The following TRPC1 variants were observed in gnomAD, a reference collection of about 807,000 sequenced individuals.
TRPC1 encodes short transient receptor potential channel 1.
In TRPC1, 42 loss-of-function variants were observed where a neutral mutation model predicts 88.2. The ratio of observed to expected loss-of-function variants is 0.48; its 90% CI spans 0.37 to 0.62. The LOEUF (loss-of-function observed/expected upper bound fraction) is 0.62. Among genes scored for constraint, TRPC1 ranks in the 20% least tolerant of loss-of-function variants. The pLI is 0.00. For missense variants in TRPC1, 699 were observed against 957.3 expected (o/e 0.73, Z 3.56); for synonymous variants, 288 against 331.8 (o/e 0.87, Z 1.43).
chr3:142,747,847 C>G (rs1369425612), intron 3 of TRPC1, among the ~76,000 whole-genome samples: 1 of 152,128 alleles, frequency 6.6e-6, no homozygotes. Context: ...TAGTTTTTCT[C>G]ACATGTTAAT....
chr3:142,788,648 G>A (rs1936205676), intron 7 of TRPC1, among the ~76,000 whole-genome samples: 1 of 152,032 alleles, frequency 6.6e-6, no homozygotes, highest in Admixed American at 6.6e-5. Flanking sequence ...TGAGACACAA[G>A]GAGAAAGATA....
chr3:142,786,053 C>T (rs1343409574), intron 7 of TRPC1, among the ~76,000 whole-genome samples: 1 of 152,100 alleles, frequency 6.6e-6, no homozygotes, highest in Non-Finnish European at 1.5e-5. Flanking sequence ...GTCTTGCCTT[C>T]TGTGTGTCGG....
chr3:142,733,930 C>G (rs1205964742), intron 1 of TRPC1, among the ~76,000 whole-genome samples: 1 of 152,264 alleles, frequency 6.6e-6, no homozygotes, highest in East Asian at 1.9e-4. Context: ...GGATTTGAGT[C>G]TTAATGCCCA....
rs1388546541 is a variant in TRPC1 at position 142,793,015 on chromosome 3, G to A, written c.1581+48G>A. 3 of 1,438,982 alleles carry A rather than the reference G, an allele frequency of 2.1e-6. No individual in the cohort carries two copies. In the Admixed American group the frequency reaches 6.6e-5, roughly 31 times the overall value. 89.1% of individuals were successfully genotyped at this position (1,438,982 alleles called of 1,614,324 possible). ...AGAACATTTTTTAGATGTCATTATT[G>A]TTACATCTTTCTCCTTGTCCAGTGG... On this transcript the variant is annotated intron_variant, in intron 9 of 12. Coordinates refer to ENST00000476941, the MANE Select transcript of TRPC1 (RefSeq NM_001251845.2).
At chr3:142,791,352 G>T (rs1936291262) in intron 8 of TRPC1, among the ~76,000 whole-genome samples, 194 bp downstream of exon 8, 1 of 151,936 alleles carries the variant, frequency 6.6e-6, no homozygotes, top group Non-Finnish European at 1.5e-5. Context: ...TTACATGATG[G>T]TTATTTATTA....
intron 6 of TRPC1, among the ~76,000 whole-genome samples, 191 bp downstream of exon 6, chr3:142,781,220 G>A (rs1034041772): frequency 6.6e-6 from 1 of 152,070 alleles, no homozygotes; most frequent in African/African-American, 2.4e-5. Flanking sequence ...TATACTAAAA[G>A]GGTTTAGCAC....
chr3:142,773,737 T>C, intron 4 of TRPC1, among the ~76,000 whole-genome samples: 1 of 148,224 alleles, frequency 6.7e-6, no homozygotes, highest in Non-Finnish European at 1.5e-5. Context: ...GGGCTTGTTA[T>C]TGTTATTTAT....
intron 2 of TRPC1, among the ~76,000 whole-genome samples, chr3:142,740,239 T>A (rs994449926): frequency 4.6e-5 from 7 of 151,992 alleles, no homozygotes; most frequent in African/African-American, 1.7e-4. Flanking sequence ...TGAAAAGGAG[T>A]CCAGGATGAT....
chr3:142,742,192 G>T (rs570946830), intron 2 of TRPC1, among the ~76,000 whole-genome samples: 1 of 151,868 alleles, frequency 6.6e-6, no homozygotes, highest in South Asian at 2.1e-4. Context: ...AATCATAAAT[G>T]AAATATTTAA....
intron 1 of TRPC1, among the ~76,000 whole-genome samples, chr3:142,726,542 A>T (rs1278759918): frequency 6.6e-6 from 1 of 152,180 alleles, no homozygotes; most frequent in African/African-American, 2.4e-5. Flanking sequence ...AGAAATTTTT[A>T]AAACAAGTGA....
intron 6 of TRPC1, among the ~76,000 whole-genome samples, chr3:142,784,440 G>C (rs1274443349): frequency 2.6e-5 from 4 of 151,858 alleles, no homozygotes; most frequent in Admixed American, 2.6e-4. Context: ...GGAAGTTGAG[G>C]CTTAGAGAAA....
At chr3:142,733,982 G>A (rs1157467336) in intron 1 of TRPC1, among the ~76,000 whole-genome samples, 1 of 152,172 alleles carries the variant, frequency 6.6e-6, no homozygotes, top group African/African-American at 2.4e-5. Flanking sequence ...TACAAAGTGA[G>A]GAGTTGGATT....
rs150284019 is a variant in TRPC1 at position 142,736,508 on chromosome 3, A to G, written c.302A>G (p.Gln101Arg). The change falls in exon 2 of 13, where the codon CAG (glutamine) becomes CGG (arginine). Residue 101 changes from glutamine to arginine, a missense_variant. Physicochemically the swap from Gln to Arg is conservative, Grantham distance 43 (BLOSUM62 1). Transcript: ENST00000476941. Reference sequence around the variant, plus strand: ...GAAAACGAAAACTTGGATATACTGCAGCTTCTTTTGGACTACGGTTGTCAG... The same window carrying G: ...GAAAACGAAAACTTGGATATACTGCGGCTTCTTTTGGACTACGGTTGTCAG... ...TIENENLDIL[Q>R]LLLDYGCQSA... 9.3e-6 allele frequency: 15 copies of G among 1,610,252 alleles called. No individual in the cohort carries two copies. The highest frequency in any genetic ancestry group is 1.3e-5 in the Non-Finnish European group (15 of 1,178,718).
intron 12 of TRPC1, among the ~76,000 whole-genome samples, chr3:142,805,725 C>A (rs1485459848): frequency 1.3e-5 from 2 of 152,024 alleles, no homozygotes; most frequent in Non-Finnish European, 2.9e-5. Flanking sequence ...AGGATATGGA[C>A]CATATTTGGC....
chr3:142,784,994 G>A lies in TRPC1; in HGVS notation c.1251G>A (p.Gly417=). 6.2e-7 allele frequency: 1 copy of A among 1,613,168 alleles called. No individual in the cohort carries two copies. Among genetic ancestry groups the A allele is most frequent in the Non-Finnish European group, 8.5e-7 (1 of 1,179,676 alleles). ...VYNEDKKNTM[G]PALERIDYLL... ...ATGAGGATAAGAAAAACACAATGGG[G>A]CCAGCCCTTGAAAGAATAGACTATC... Residue 417 remains glycine (G), a synonymous_variant, in exon 7 of 13, where the codon GGG becomes GGA. Coordinates refer to ENST00000476941, the MANE Select transcript of TRPC1 (RefSeq NM_001251845.2).
chr3:142,782,692 G>C (rs1936001327), intron 6 of TRPC1, among the ~76,000 whole-genome samples: 1 of 152,094 alleles, frequency 6.6e-6, no homozygotes, highest in Admixed American at 6.5e-5. Flanking sequence ...GAGGCCTCAG[G>C]AACAGGGTGC....
intron 1 of TRPC1, among the ~76,000 whole-genome samples, chr3:142,728,638 C>T (rs117956827): frequency 0.024 from 3,709 of 152,196 alleles, 67 homozygotes; most frequent in East Asian, 0.065. Flanking sequence ...TGACTTTCTC[C>T]ATAAGCTTTG....
Position 142,724,449 on chromosome 3 carries a change from G to A in TRPC1, c.-111G>A, listed in dbSNP as rs1933568439. ...CGGGCCTCGAGCCGAGGCAGCAGTG[G>A]GAACGACTCATCCTTTTTCCAGCCC... On this transcript the variant is annotated 5_prime_UTR_variant, in exon 1 of 13. Transcript: ENST00000476941. This position sits in a 1 kb window ranked among gnomAD's most constrained non-coding sequence, Gnocchi z 5.6. The A allele has an allele frequency of 5.3e-6, 6 of 1,126,160 alleles. No individual in the cohort carries two copies. Among genetic ancestry groups the A allele is most frequent in the Non-Finnish European group, 7.2e-6 (6 of 835,958 alleles). 69.8% of individuals were successfully genotyped at this position (1,126,160 alleles called of 1,614,324 possible).
At chr3:142,777,319 G>C (rs1408761120) in intron 4 of TRPC1, among the ~76,000 whole-genome samples, 1 of 151,960 alleles carries the variant, frequency 6.6e-6, no homozygotes, top group Admixed American at 6.6e-5. Flanking sequence ...AAAAAAGTTG[G>C]TCCAGAAATA....
Sources: gnomAD v4.1 joint callset for allele counts (sites outside exome capture counted in the v4.1 genomes callset) on GRCh38, gnomAD v4.1.1 for gene constraint, Gnocchi (gnomAD v3.1) non-coding constraint, MANE v1.5 for transcripts, NCBI Gene and HGNC (gene_info 2026-07-23, HGNC 2026-07-21) for gene names.